Variants in ZBTB7A observed in about 807,000 individuals in gnomAD.
ZBTB7A encodes zinc finger and BTB domain-containing protein 7A.
In ZBTB7A, 7 loss-of-function variants were observed where a neutral mutation model predicts 26.7. That is an observed-to-expected ratio of 0.26 (90% CI 0.15 to 0.49). The LOEUF (loss-of-function observed/expected upper bound fraction) is 0.49. Ranked by LOEUF, ZBTB7A falls within the 20% of genes least tolerant of loss-of-function variation. ZBTB7A has a pLI of 0.98. For synonymous variants in ZBTB7A, 452 were observed against 441.0 expected (o/e 1.02, Z -0.31); for missense variants, 617 against 919.5 (o/e 0.67, Z 4.25).
At chr19:4,060,125 C>A (rs1044622712) in intron 1 of ZBTB7A, among the ~76,000 whole-genome samples, 2 of 150,214 alleles carry the variant, frequency 1.3e-5, no homozygotes, top group Non-Finnish European at 2.9e-5. Context: ...GGTGCTGACT[C>A]GGCGGCCGAG....
intron 1 of ZBTB7A, among the ~76,000 whole-genome samples, chr19:4,064,536 A>T (rs892342385): frequency 4.6e-5 from 7 of 152,038 alleles, no homozygotes; most frequent in Non-Finnish European, 8.8e-5. Flanking sequence ...CCTCCCCGGG[A>T]CCTCTCCCAG....
Position 4,053,713 on chromosome 19 carries a change from G to C in ZBTB7A, c.1262+258C>G, listed in dbSNP as rs375077625. ...TGTGTGCGTCTGTGTGTGTGCATGT[G>C]TACGTGGCATACGCGTCTGTGCATG... On this transcript the variant is annotated intron_variant, in intron 2 of 2. Transcript: ENST00000322357. Among the ~76,000 whole-genome samples, 64 of 151,932 alleles carry C rather than the reference G, an allele frequency of 4.2e-4. No individual in the cohort carries two copies. In the East Asian group the frequency reaches 0.011, roughly 26 times the overall value.
In ZBTB7A at chr19:4,050,269, T is replaced by C. The variant is rs553425052; in HGVS notation, c.1263-2025A>G. On this transcript the variant is annotated intron_variant, in intron 2 of 2. Transcript: ENST00000322357. ...GAGACAGGGTTTTCACCATGTTGGCTGGGCTGGTCTTGAACTCCTGACCTC... is the reference window on the plus strand; with the variant it reads ...GAGACAGGGTTTTCACCATGTTGGCCGGGCTGGTCTTGAACTCCTGACCTC... 1.5e-3 allele frequency among the ~76,000 whole-genome samples: 226 copies of C among 151,766 alleles called. 5 individuals carry two copies. The South Asian group carries it at 0.03, about 20-fold the overall frequency.
chr19:4,049,176 A>G (rs1179641772), intron 2 of ZBTB7A, among the ~76,000 whole-genome samples: 220 of 11,844 alleles, frequency 0.019, 22 homozygotes, highest in Middle Eastern at 0.04. Flanking sequence ...GTGTATATAT[A>G]TATATATATA....
intron 2 of ZBTB7A, among the ~76,000 whole-genome samples, 189 bp downstream of exon 2, chr19:4,053,776 GTGTGTC>G (rs1357438532): frequency 4.0e-5 from 6 of 151,338 alleles, no homozygotes; most frequent in Non-Finnish European, 7.4e-5. Context: ...GTGCGTGTAT[GTGTGTC>G]TGCGTGTGTG....
intron 1 of ZBTB7A, among the ~76,000 whole-genome samples, chr19:4,060,632 G>C (rs1053380368): frequency 2.6e-5 from 4 of 152,190 alleles, no homozygotes; most frequent in Admixed American, 2.0e-4. Context: ...GAAGGACCCC[G>C]GCATCCCAAG....
intron 1 of ZBTB7A, among the ~76,000 whole-genome samples, chr19:4,063,798 T>C (rs1015145631): frequency 6.6e-6 from 1 of 152,162 alleles, no homozygotes; most frequent in Admixed American, 6.5e-5. Flanking sequence ...CTGAGTGACC[T>C]TGGGCCGCTC....
At position 4,054,381 on chromosome 19, in the gene ZBTB7A, C is replaced by A; in HGVS notation, c.852G>T (p.Ser284=). ...RGGEEEAASL[S]EAAPEPGDSP... ...AGTCGCCCGGCTCGGGGGCCGCCTC[C>A]GACAGCGAGGCGGCCTCCTCCTCTC... Residue 284 remains serine (S), a synonymous_variant, in exon 2 of 3, where the codon TCG becomes TCT. Coordinates refer to ENST00000322357, the MANE Select transcript of ZBTB7A (RefSeq NM_015898.4). The A allele has an allele frequency of 7.0e-7, 1 of 1,428,062 alleles. No homozygotes were observed. The allele number at this position is 1,428,062 out of a possible 1,614,324, so 88.5% of individuals were successfully genotyped here. A position where few individuals can be genotyped will look rare whatever the true frequency, so the allele number is the denominator to read the frequency against.
rs1428929524 is a variant in ZBTB7A, at chr19:4,045,828, G to C, written c.*1924C>G. On this transcript the variant is annotated 3_prime_UTR_variant, in exon 3 of 3. Transcript: ENST00000322357. The surrounding 1 kb of genome is among the most constrained non-coding windows in gnomAD (Gnocchi z 4.1). Reference sequence around the variant, plus strand: ...TCAACACCGGGCCTTGTGGGAGCCAGAGGTTGGGGGGAGGCAGGTCCCAGT... The same window carrying C: ...TCAACACCGGGCCTTGTGGGAGCCACAGGTTGGGGGGAGGCAGGTCCCAGT... 1 of 398,640 alleles carries C rather than the reference G, an allele frequency of 2.5e-6. No individual in the cohort carries two copies. Among genetic ancestry groups the C allele is most frequent in the African/African-American group, 2.1e-5 (1 of 48,632 alleles). The allele number at this position is 398,640 out of a possible 1,614,324, so 24.7% of individuals were successfully genotyped here.
rs1375753206 is a variant in ZBTB7A, at chr19:4,046,690, C to T, written c.*1062G>A. The T allele has an allele frequency of 6.7e-6, 1 of 149,826 alleles. No individual in the cohort carries two copies. The highest frequency in any genetic ancestry group is 2.1e-4 in the South Asian group (1 of 4,784). The allele number at this position is 149,826 out of a possible 1,614,324, so 9.3% of individuals were successfully genotyped here. On this transcript the variant is annotated 3_prime_UTR_variant, in exon 3 of 3. Coordinates refer to ENST00000322357, the MANE Select transcript of ZBTB7A (RefSeq NM_015898.4). ...CTCTCTCCCCCCATCCCTGCCATCA[C>T]CAGACCCTGGGGTTCCTCTGATCGT... is the stretch of plus-strand genomic sequence containing the variant.
At position 4,054,132 on chromosome 19, in the gene ZBTB7A, G is replaced by C; in HGVS notation, c.1101C>G (p.Ala367=). The change falls in exon 2 of 3, where the codon GCC becomes GCG. Residue 367 remains alanine (A), a synonymous_variant. Coordinates refer to ENST00000322357, the MANE Select transcript of ZBTB7A (RefSeq NM_015898.4). The part of the protein sequence containing the change: ...SGAHDGDVYP[A]WSQKVEKKIR... Reference sequence around the variant, plus strand: ...TCTTCTTCTCCACCTTCTGCGACCAGGCCGGGTAGACGTCGCCGTCGTGGG... The same window carrying C: ...TCTTCTTCTCCACCTTCTGCGACCACGCCGGGTAGACGTCGCCGTCGTGGG... The C allele has an allele frequency of 6.2e-7, 1 of 1,606,416 alleles. No homozygotes were observed. Among genetic ancestry groups the C allele is most frequent in the Admixed American group, 1.7e-5 (1 of 60,010 alleles).
chr19:4,044,001 C>G lies in ZBTB7A; in HGVS notation c.*3751G>C, dbSNP rs1413993377. Among the ~76,000 whole-genome samples the G allele has an allele frequency of 6.6e-6, 1 of 151,538 alleles. No homozygotes were observed. Among genetic ancestry groups the G allele is most frequent in the Non-Finnish European group, 1.5e-5 (1 of 67,870 alleles). ...TTTCTTCTGTTTTTCCTTTCATTCTCTCTGTCTTGCCTCCAACCATTCTGG... is the reference window on the plus strand; with the variant it reads ...TTTCTTCTGTTTTTCCTTTCATTCTGTCTGTCTTGCCTCCAACCATTCTGG... On this transcript the variant is annotated 3_prime_UTR_variant, in exon 3 of 3. Transcript: ENST00000322357.
rs1407833683 is a variant in ZBTB7A, at chr19:4,054,065, CCTT to C, written c.1165_1167del (p.Lys389del). 6.2e-7 allele frequency: 1 copy of C among 1,612,152 alleles called. No individual in the cohort carries two copies. Among genetic ancestry groups the C allele is most frequent in the Non-Finnish European group, 8.5e-7 (1 of 1,179,892 alleles). The stretch of plus-strand genomic sequence containing the variant: ...GGCAGCTTGCCGGCGCCCTGGATGA[CCTT>C]CTCGCAGATGGGGCACTTCTGGAAG... On this transcript the variant is annotated inframe_deletion, in exon 2 of 3. Transcript: ENST00000322357.
At chr19:4,053,584 T>C (rs2040529837) in intron 2 of ZBTB7A, among the ~76,000 whole-genome samples, 1 of 150,998 alleles carries the variant, frequency 6.6e-6, no homozygotes, top group Non-Finnish European at 1.5e-5. Flanking sequence ...CATGTCGGTG[T>C]GCGTGTGTGT....
intron 1 of ZBTB7A, among the ~76,000 whole-genome samples, chr19:4,056,269 C>G (rs1329114194): frequency 6.6e-6 from 1 of 152,132 alleles, no homozygotes; most frequent in Non-Finnish European, 1.5e-5. Context: ...GTTTCCTGCC[C>G]CCCATCAGCC....
chr19:4,065,186 G>C (rs1236334059), intron 1 of ZBTB7A, among the ~76,000 whole-genome samples: 1 of 151,722 alleles, frequency 6.6e-6, no homozygotes, highest in African/African-American at 2.4e-5. Flanking sequence ...GGCCAGAGGA[G>C]ACGGGGTCAC....
chr19:4,056,218 C>T (rs1009284366), intron 1 of ZBTB7A, among the ~76,000 whole-genome samples: 5 of 152,284 alleles, frequency 3.3e-5, no homozygotes, highest in African/African-American at 1.2e-4. Context: ...GCTGTCCTGC[C>T]CCCAGCCTCA....
Position 4,043,388 on chromosome 19 carries a change from T to A in ZBTB7A, c.*4364A>T, listed in dbSNP as rs2040369433. On this transcript the variant is annotated 3_prime_UTR_variant, in exon 3 of 3. Coordinates refer to ENST00000322357, the MANE Select transcript of ZBTB7A (RefSeq NM_015898.4). ...TTTTTTGTTTTTTCATCTTTTGTGT[T>A]TTTGTTTGTTTTTTATTACTTTTAA... Among the ~76,000 whole-genome samples, 1 of 151,844 alleles carries A rather than the reference T, an allele frequency of 6.6e-6. No individual in the cohort carries two copies. Among genetic ancestry groups the A allele is most frequent in the African/African-American group, 2.4e-5 (1 of 41,378 alleles).
intron 2 of ZBTB7A, among the ~76,000 whole-genome samples, chr19:4,050,803 G>A (rs568773927): frequency 1.3e-5 from 2 of 152,114 alleles, no homozygotes; most frequent in South Asian, 2.1e-4. Context: ...GTAAAAATAT[G>A]TAAGTGGCTT....
Sources: allele counts gnomAD v4.1 joint callset (sites outside exome capture counted in the v4.1 genomes callset), GRCh38; gene constraint gnomAD v4.1.1; non-coding constraint Gnocchi (gnomAD v3.1); transcripts MANE v1.5; gene names NCBI Gene and HGNC (gene_info 2026-07-23, HGNC 2026-07-21).